The following ANO1 variants were observed in gnomAD, a reference collection of about 807,000 sequenced individuals.
ANO1 encodes anoctamin-1.
Under a neutral mutation model 124.0 loss-of-function variants are expected in ANO1, and 59 were observed. The ratio of observed to expected loss-of-function variants is 0.48; its 90% CI spans 0.39 to 0.59. The LOEUF (loss-of-function observed/expected upper bound fraction) is 0.59. Among genes scored for constraint, ANO1 ranks in the 20% least tolerant of loss-of-function variants. The pLI is 0.00. For missense variants in ANO1, 1,059 were observed against 1,328.0 expected, an observed-to-expected ratio of 0.80 and a Z score of 3.15; for synonymous variants, 529 against 532.0, an observed-to-expected ratio of 0.99 and a Z score of 0.08.
chr11:70,002,673 T>C (rs911533713), intron 1 of ANO1, among the ~76,000 whole-genome samples: 1 of 152,140 alleles, frequency 6.6e-6, no homozygotes, highest in Admixed American at 6.5e-5. Flanking sequence ...TCAGAGTCCC[T>C]GTGGTTAAGT....
intron 1 of ANO1, among the ~76,000 whole-genome samples, chr11:70,086,370 A>G (rs895304047): frequency 2.6e-5 from 4 of 152,076 alleles, no homozygotes; most frequent in Admixed American, 2.6e-4. Flanking sequence ...CCACTGTGGG[A>G]ATATCTGGTT....
the ANO1 span, among the ~76,000 whole-genome samples, chr11:69,980,394 C>A: frequency 6.6e-6 from 1 of 152,076 alleles, no homozygotes; most frequent in Non-Finnish European, 1.5e-5. Context: ...GAGGTCAAGG[C>A]GGGTGGGTCA....
intron 9 of ANO1, 72 bp from the exon 10 acceptor site, chr11:70,125,989 G>C: frequency 6.6e-7 from 1 of 1,507,310 alleles, no homozygotes; most frequent in Non-Finnish European, 8.9e-7. Context: ...TTGCTGGGGA[G>C]GGCCTGTGAC....
intron 22 of ANO1, among the ~76,000 whole-genome samples, chr11:70,178,358 C>G (rs576039752): frequency 1.3e-5 from 2 of 152,268 alleles, no homozygotes; most frequent in East Asian, 3.9e-4. Flanking sequence ...TGTGCAGAGC[C>G]CATGTGACTG....
rs1335911174 is a variant in ANO1 at position 69,992,749 on chromosome 11, C to T, written c.58+6583C>T. Among the ~76,000 whole-genome samples the T allele has an allele frequency of 5.9e-5, 9 of 152,276 alleles. No homozygotes were observed. The East Asian group carries it at 9.7e-4, about 16-fold the overall frequency. On this transcript the variant is annotated intron_variant, in intron 1 of 27. Coordinates refer to the ANO1 transcript ENST00000531349. ...AGGCTGGACTGTTTGGTGAGGCCTT[C>T]GTCTCTCCCCGTGCCTGCCTCTGCC...
intron 1 of ANO1, among the ~76,000 whole-genome samples, chr11:70,058,716 T>C (rs1196788652): frequency 3.9e-5 from 6 of 152,206 alleles, no homozygotes; most frequent in African/African-American, 1.4e-4. Context: ...GGGCAAGAAG[T>C]AAAAGTACTG....
At chr11:70,013,901 G>C (rs1856649324) in intron 1 of ANO1, among the ~76,000 whole-genome samples, 1 of 152,046 alleles carries the variant, frequency 6.6e-6, no homozygotes, top group Non-Finnish European at 1.5e-5. Flanking sequence ...TCTGAGGTCA[G>C]GGCGCTGCCA....
At chr11:70,123,987 G>A (rs1175608368) in intron 8 of ANO1, among the ~76,000 whole-genome samples, 2 of 152,080 alleles carry the variant, frequency 1.3e-5, no homozygotes, top group Non-Finnish European at 2.9e-5. Context: ...TTTGCATCCC[G>A]TGAGAGTTTT....
chr11:70,108,329 C>A, intron 5 of ANO1, 24 bp from the exon 6 acceptor site: 4 of 1,603,146 alleles, frequency 2.5e-6, no homozygotes, highest in Non-Finnish European at 3.4e-6. Flanking sequence ...TAACTGCTCA[C>A]CCCCCTTCTT....
intron 11 of ANO1, among the ~76,000 whole-genome samples, chr11:70,141,372 G>A (rs929182419): frequency 6.6e-6 from 1 of 152,128 alleles, no homozygotes; most frequent in Non-Finnish European, 1.5e-5. Flanking sequence ...CTCTGGGAGT[G>A]GGGGACTCTG....
At chr11:70,045,555 G>C (rs886370419) in intron 1 of ANO1, among the ~76,000 whole-genome samples, 12 of 152,216 alleles carry the variant, frequency 7.9e-5, no homozygotes, top group African/African-American at 2.7e-4. Context: ...TTCCAGGCCA[G>C]GCCACCAGGG....
At chr11:70,121,628 CTCTG>C (rs1217899500) in intron 8 of ANO1, among the ~76,000 whole-genome samples, 2 of 147,512 alleles carry the variant, frequency 1.4e-5, no homozygotes, top group Non-Finnish European at 3.0e-5. Context: ...TCCCCCACCT[CTCTG>C]TCTGTCTCTC....
At chr11:70,085,370 T>A in intron 1 of ANO1, 373 of 1,298,812 alleles carry the variant, frequency 2.9e-4, no homozygotes, top group East Asian at 1.3e-3. Flanking sequence ...TCGTGGCCCC[T>A]AAGCACCCTC....
At chr11:70,068,717 G>C (rs11602867) in intron 1 of ANO1, among the ~76,000 whole-genome samples, 21,162 of 152,070 alleles carry the variant, frequency 0.14, 1,659 homozygotes, top group African/African-American at 0.19. Context: ...GGGCTCTCTC[G>C]CTGGCACGCC....
intron 25 of ANO1, among the ~76,000 whole-genome samples, chr11:70,185,956 C>T (rs2049102135): frequency 6.6e-6 from 1 of 152,228 alleles, no homozygotes; most frequent in East Asian, 1.9e-4. Flanking sequence ...GGTTCTGACT[C>T]GCTGGTGGGT....
At chr11:70,165,809 C>T (rs143183467) in intron 20 of ANO1, among the ~76,000 whole-genome samples, 93 of 151,884 alleles carry the variant, frequency 6.1e-4, no homozygotes, top group African/African-American at 2.1e-3. Flanking sequence ...CCATTTGAGC[C>T]TAGGAAATCA....
At position 70,088,040 on chromosome 11, in the gene ANO1, G is replaced by A. The variant is rs2044460165; in HGVS notation, c.397G>A (p.Gly133Ser). 4.8e-6 allele frequency: 7 copies of A among 1,469,910 alleles called. No homozygotes were observed. Among genetic ancestry groups the A allele is most frequent in the Non-Finnish European group, 6.3e-6 (7 of 1,108,800 alleles). The allele number at this position is 1,469,910 out of a possible 1,614,324, so 91.1% of individuals were successfully genotyped here. ...DKRFRREEYE[G>S]NLLEAGLELE... is the part of the protein sequence containing the mutation. ...GCGCTTCCGCAGGGAGGAGTACGAG[G>A]GCAACCTCCTGGAGGCGGGCCTGGA... The change falls in exon 2 of 26, where the codon GGC becomes AGC. Residue 133 changes from glycine to serine, a missense_variant. Gly to Ser is a moderately conservative substitution (Grantham distance 56, BLOSUM62 0). Coordinates refer to ENST00000355303, the MANE Select transcript of ANO1 (RefSeq NM_018043.7).
the ANO1 span, among the ~76,000 whole-genome samples, chr11:69,970,042 C>T: frequency 7.2e-5 from 11 of 152,288 alleles, no homozygotes; most frequent in East Asian, 1.4e-3. Flanking sequence ...AAAGGGGGTT[C>T]CCCGGTGTGA....
At chr11:70,098,971 C>G in intron 2 of ANO1, among the ~76,000 whole-genome samples, 1 of 152,314 alleles carries the variant, frequency 6.6e-6, no homozygotes, top group Admixed American at 6.5e-5. Flanking sequence ...AGGTTTCCGC[C>G]GGCATAGTTA....
Sources: gnomAD v4.1 joint callset for allele counts (sites outside exome capture counted in the v4.1 genomes callset) on GRCh38, gnomAD v4.1.1 for gene constraint, MANE v1.5 for transcripts, NCBI Gene and HGNC (gene_info 2026-07-23, HGNC 2026-07-21) for gene names.